Variants in LDB2 observed in about 807,000 individuals in gnomAD.
LDB2 encodes LIM domain-binding protein 2.
A neutral mutation model predicts 44.3 loss-of-function variants in LDB2; 12 were observed. The observed-to-expected ratio is 0.27, with a 90% confidence interval of 0.17 to 0.44. LDB2 has a LOEUF of 0.44. Among genes scored for constraint, LDB2 ranks in the 20% least tolerant of loss-of-function variants. The pLI, the probability that LDB2 is intolerant of heterozygous loss-of-function variation, is 1.00. For synonymous variants in LDB2, 164 were observed against 174.8 expected, an observed-to-expected ratio of 0.94 and a Z score of 0.49; for missense variants, 344 against 473.5, an observed-to-expected ratio of 0.73 and a Z score of 2.54.
Position 16,514,165 on chromosome 4 carries a change from C to T in LDB2, c.616-2061G>A, listed in dbSNP as rs547949806. ...TTGTGCATTCCTCATTGAGCCTAAACATAAAAATGAATCATTTTTCCTGTA... is the reference window on the plus strand; with the variant it reads ...TTGTGCATTCCTCATTGAGCCTAAATATAAAAATGAATCATTTTTCCTGTA... On this transcript the variant is annotated intron_variant, in intron 5 of 7. Coordinates refer to ENST00000304523, the MANE Select transcript of LDB2 (RefSeq NM_001290.5). Among the ~76,000 whole-genome samples, 3 of 152,324 alleles carry T rather than the reference C, an allele frequency of 2.0e-5. No homozygotes were observed. In the South Asian group the frequency reaches 6.2e-4, roughly 32 times the overall value.
chr4:16,792,670 T>C (rs1776007084), intron 1 of LDB2, among the ~76,000 whole-genome samples: 1 of 152,192 alleles, frequency 6.6e-6, no homozygotes, highest in African/African-American at 2.4e-5. Flanking sequence ...TCTGGACAGA[T>C]AAATGTGAAA....
At chr4:16,671,311 C>G (rs1255282703) in intron 2 of LDB2, among the ~76,000 whole-genome samples, 1 of 152,050 alleles carries the variant, frequency 6.6e-6, no homozygotes, top group Non-Finnish European at 1.5e-5. Flanking sequence ...ATCACATTTC[C>G]CTTTCAGTCC....
At position 16,566,916 on chromosome 4, in the gene LDB2, G is replaced by A. The variant is rs1262443765; in HGVS notation, c.615+19006C>T. Reference sequence around the variant, plus strand: ...ATAATAAATATCTCCTGTCATAAGAGACATACATATTAAAATGAAAATGAG... The same window carrying A: ...ATAATAAATATCTCCTGTCATAAGAAACATACATATTAAAATGAAAATGAG... On this transcript the variant is annotated intron_variant, in intron 5 of 7. Transcript: ENST00000304523. Among the ~76,000 whole-genome samples the A allele has an allele frequency of 2.0e-5, 3 of 152,078 alleles. No individual in the cohort carries two copies. In the South Asian group the frequency reaches 6.2e-4, roughly 31 times the overall value.
chr4:16,863,247 CAGAA>C (rs755454216), intron 1 of LDB2, among the ~76,000 whole-genome samples: 17 of 152,146 alleles, frequency 1.1e-4, no homozygotes, highest in Non-Finnish European at 2.1e-4. Flanking sequence ...ATAGAGAAAG[CAGAA>C]AGAGAGGAGA....
intron 2 of LDB2, among the ~76,000 whole-genome samples, chr4:16,755,852 T>C (rs1300891900): frequency 6.6e-6 from 1 of 152,060 alleles, no homozygotes; most frequent in East Asian, 1.9e-4. Flanking sequence ...CAAGTGGCCT[T>C]AGGGATGCAC....
At chr4:16,885,760 A>C (rs1262609561) in intron 1 of LDB2, among the ~76,000 whole-genome samples, 1 of 152,170 alleles carries the variant, frequency 6.6e-6, no homozygotes, top group Non-Finnish European at 1.5e-5. Flanking sequence ...GAGAAAGAAA[A>C]GCAGAAATAA....
intron 5 of LDB2, among the ~76,000 whole-genome samples, chr4:16,547,970 T>G (rs1267503845): frequency 6.6e-6 from 1 of 152,100 alleles, no homozygotes; most frequent in Non-Finnish European, 1.5e-5. Flanking sequence ...TTTTTTGTTT[T>G]TTTTTCCAGA....
chr4:16,614,603 A>T (rs1726670658), intron 2 of LDB2, among the ~76,000 whole-genome samples: 1 of 149,426 alleles, frequency 6.7e-6, no homozygotes, highest in South Asian at 2.1e-4. Flanking sequence ...AAAAAAAAAC[A>T]AGCAACCCCA....
At position 16,624,023 on chromosome 4, in the gene LDB2, C is replaced by T. The variant is rs113612759; in HGVS notation, c.236-28148G>A. 8.3e-3 allele frequency among the ~76,000 whole-genome samples: 1,262 copies of T among 152,212 alleles called. 19 individuals are homozygous for T. The highest frequency in any genetic ancestry group is 0.029 in the African/African-American group (1,195 of 41,540). ...CACCTCCCTCCAAACTCTTTTTTGC[C>T]AGTTCTAGCTTCACAAAGGTACCAG... On this transcript the variant is annotated intron_variant, in intron 2 of 7. Coordinates refer to ENST00000304523, the MANE Select transcript of LDB2 (RefSeq NM_001290.5).
At position 16,502,836 on chromosome 4, in the gene LDB2, C is replaced by T; in HGVS notation, c.929G>A (p.Gly310Asp). 1.2e-6 allele frequency: 2 copies of T among 1,614,126 alleles called. No individual in the cohort carries two copies. The highest frequency in any genetic ancestry group is 1.7e-6 in the Non-Finnish European group (2 of 1,179,990). Reference protein sequence around the residue: ...MVVGEPTLMGGEFGDEDERLI... With the variant: ...MVVGEPTLMGDEFGDEDERLI... ...CCTTTCGTCCTCGTCCCCAAACTCA[C>T]CTCCCATCAGAGTTGGCTCTCCTAC... Residue 310 changes from glycine (G) to aspartate (D), a missense_variant, in exon 8 of 8, where the codon GGT (glycine) becomes GAT (aspartate). Physicochemically the swap from Gly to Asp is moderately conservative, Grantham distance 94 (BLOSUM62 -1). Coordinates refer to ENST00000304523, the MANE Select transcript of LDB2 (RefSeq NM_001290.5).
chr4:16,661,722 A>T (rs1362644029), intron 2 of LDB2, among the ~76,000 whole-genome samples: 2 of 152,190 alleles, frequency 1.3e-5, no homozygotes, highest in Admixed American at 1.3e-4. Context: ...GGGCCCAGGC[A>T]TCAGTATTTT....
intron 1 of LDB2, among the ~76,000 whole-genome samples, chr4:16,821,673 GC>G (rs1782054628): frequency 2.8e-5 from 4 of 140,886 alleles, no homozygotes; most frequent in Admixed American, 7.5e-5. Context: ...ACAGGCGTGA[GC>G]CACCGCGCCC....
At chr4:16,566,681 A>T (rs1263727928) in intron 5 of LDB2, among the ~76,000 whole-genome samples, 1 of 152,174 alleles carries the variant, frequency 6.6e-6, no homozygotes, top group Non-Finnish European at 1.5e-5. Context: ...TCACACAAAC[A>T]AAAACAAAAA....
intron 1 of LDB2, among the ~76,000 whole-genome samples, chr4:16,881,823 A>G (rs1163013710): frequency 2.0e-5 from 3 of 152,128 alleles, no homozygotes; most frequent in South Asian, 2.1e-4. Flanking sequence ...TTAGATTACA[A>G]TAAGTTAAGA....
chr4:16,697,221 G>A (rs1226462877), intron 2 of LDB2, among the ~76,000 whole-genome samples: 5 of 150,678 alleles, frequency 3.3e-5, no homozygotes, highest in Non-Finnish European at 5.9e-5. Context: ...TCAGGAGATC[G>A]AGACCATCCT....
intron 1 of LDB2, among the ~76,000 whole-genome samples, chr4:16,777,760 T>C (rs1304975014): frequency 2.0e-5 from 3 of 152,086 alleles, no homozygotes; most frequent in African/African-American, 7.3e-5. Context: ...CCTGGGTTTA[T>C]TGTCAAGATC....
chr4:16,581,973 A>AGGAAGGAAG (rs748946951), intron 5 of LDB2, among the ~76,000 whole-genome samples: 120 of 141,284 alleles, frequency 8.5e-4, no homozygotes, highest in African/African-American at 2.8e-3. Flanking sequence ...GAAAGAAGGA[A>AGGAAGGAAG]GGAAGGAAGG....
intron 2 of LDB2, among the ~76,000 whole-genome samples, chr4:16,714,736 C>A (rs193169142): frequency 2.0e-4 from 31 of 152,244 alleles, no homozygotes; most frequent in African/African-American, 7.5e-4. Flanking sequence ...CTGTTCCATA[C>A]CGTTCTCCTA....
chr4:16,711,831 C>T (rs778815228), intron 2 of LDB2, among the ~76,000 whole-genome samples: 1 of 152,164 alleles, frequency 6.6e-6, no homozygotes. Context: ...CAAGACAAGT[C>T]AATAGGAAAA....
Sources: allele counts gnomAD v4.1 joint callset (sites outside exome capture counted in the v4.1 genomes callset), GRCh38; gene constraint gnomAD v4.1.1; transcripts MANE v1.5; gene names NCBI Gene and HGNC (gene_info 2026-07-23, HGNC 2026-07-21).